The following PRMT3 variants were observed in gnomAD, a reference collection of about 807,000 sequenced individuals.
The protein encoded by PRMT3 is protein arginine N-methyltransferase 3.
A neutral mutation model predicts 71.9 loss-of-function variants in PRMT3; 62 were observed. The ratio of observed to expected loss-of-function variants is 0.86; its 90% confidence interval spans 0.70 to 1.07. The LOEUF (loss-of-function observed/expected upper bound fraction) is 1.07, where lower values mean the gene tolerates loss of function less well. PRMT3 is among the 50% of genes least tolerant of loss of function. The pLI is 0.00. For synonymous variants in PRMT3, 213 were observed against 220.4 expected (o/e 0.97, Z 0.30); for missense variants, 663 against 643.0 (o/e 1.03, Z -0.34).
intron 2 of PRMT3, 23 bp from the exon 3 acceptor site, chr11:20,389,721 G>A: frequency 6.5e-7 from 1 of 1,538,668 alleles, no homozygotes; most frequent in Non-Finnish European, 9.0e-7. Context: ...ACTATTCCAT[G>A]AAGCTATTGC....
rs77431332 is a variant in PRMT3, at chr11:20,450,637, A to G, written c.994-1493A>G. Among the ~76,000 whole-genome samples, 399 of 152,260 alleles carry G rather than the reference A, an allele frequency of 2.6e-3. 2 individuals are homozygous for G. Among genetic ancestry groups the G allele is most frequent in the East Asian group, 4.3e-3 (22 of 5,172 alleles). On this transcript the variant is annotated intron_variant, in intron 10 of 15. Coordinates refer to ENST00000331079, the MANE Select transcript of PRMT3 (RefSeq NM_005788.4). ...TTAATAGGCAGTTATTTTTGTATCA[A>G]TGAATCAGTGAGCTGGGGGGAATAG... is the stretch of plus-strand genomic sequence containing the variant.
chr11:20,484,123 C>T (rs981765432), intron 13 of PRMT3, among the ~76,000 whole-genome samples: 2 of 152,146 alleles, frequency 1.3e-5, no homozygotes, highest in African/African-American at 4.8e-5. Context: ...TGCAGTTTCA[C>T]CATTTAGATA....
chr11:20,408,404 A>G (rs1461890310), intron 9 of PRMT3, among the ~76,000 whole-genome samples: 1 of 152,050 alleles, frequency 6.6e-6, no homozygotes, highest in Non-Finnish European at 1.5e-5. Context: ...TTCTTTAGCA[A>G]ATACCAGTTA....
chr11:20,496,072 C>G (rs1030795488), intron 15 of PRMT3, among the ~76,000 whole-genome samples: 5 of 152,146 alleles, frequency 3.3e-5, no homozygotes, highest in African/African-American at 1.2e-4. Flanking sequence ...GCAATTTTTT[C>G]CTAGGCATGT....
intron 9 of PRMT3, among the ~76,000 whole-genome samples, chr11:20,413,809 T>G (rs73447061): frequency 0.016 from 2,458 of 152,232 alleles, 61 homozygotes; most frequent in African/African-American, 0.057. Flanking sequence ...TCTCTGATAC[T>G]TGTCTATTCT....
intron 15 of PRMT3, among the ~76,000 whole-genome samples, chr11:20,501,719 G>A (rs1851462763): frequency 6.6e-6 from 1 of 152,120 alleles, no homozygotes; most frequent in Non-Finnish European, 1.5e-5. Flanking sequence ...CCTAGATGAG[G>A]ACACTTAAAG....
chr11:20,489,894 T>C (rs1185623691), intron 13 of PRMT3, among the ~76,000 whole-genome samples: 1 of 150,998 alleles, frequency 6.6e-6, no homozygotes, highest in African/African-American at 2.4e-5. Flanking sequence ...CTGGGCACCA[T>C]AGCGGGACTC....
chr11:20,440,489 CAAAAAA>C (rs55801324), intron 10 of PRMT3, among the ~76,000 whole-genome samples: 29,979 of 116,126 alleles, frequency 0.26, 2,394 homozygotes, highest in South Asian at 0.36. Context: ...ACTAAAAATA[CAAAAAA>C]AAAAAAAAAA....
In PRMT3 at chr11:20,434,369, CTT is replaced by C. The variant is rs1420367612; in HGVS notation, c.993+7506_993+7507del. 3.3e-5 allele frequency among the ~76,000 whole-genome samples: 5 copies of C among 152,136 alleles called. No homozygotes were observed. In the East Asian group the frequency reaches 9.6e-4, roughly 29 times the overall value. On this transcript the variant is annotated intron_variant, in intron 10 of 15. Transcript: ENST00000331079. ...TGGTTTCTTTTGCTGTGCAGAAGCT[CTT>C]TAGTTTAATTAAACCCTATTTGTCA...
chr11:20,465,003 T>G (rs1001555397), intron 13 of PRMT3, among the ~76,000 whole-genome samples: 63 of 152,158 alleles, frequency 4.1e-4, no homozygotes, highest in African/African-American at 1.4e-3. Context: ...AATTTAATAG[T>G]CTAATAGAAA....
chr11:20,410,276 A>C (rs1849166150), intron 9 of PRMT3, among the ~76,000 whole-genome samples: 1 of 152,082 alleles, frequency 6.6e-6, no homozygotes, highest in African/African-American at 2.4e-5. Context: ...TCAATTACTT[A>C]ATGAGGAAAA....
In PRMT3 at chr11:20,464,912, G is replaced by A. The variant is rs1590084292; in HGVS notation, c.1347+366G>A. On this transcript the variant is annotated intron_variant, in intron 13 of 15. Coordinates refer to ENST00000331079, the MANE Select transcript of PRMT3 (RefSeq NM_005788.4). ...ATTTAGATGGAAGATATGTTTATTT[G>A]GTAGAATATTTTATGTTTTATATTT... 3.3e-5 allele frequency among the ~76,000 whole-genome samples: 5 copies of A among 151,992 alleles called. No homozygotes were observed. The South Asian group carries it at 1.0e-3, about 32-fold the overall frequency.
intron 10 of PRMT3, among the ~76,000 whole-genome samples, chr11:20,440,328 C>G (rs1299691450): frequency 6.6e-6 from 1 of 152,028 alleles, no homozygotes; most frequent in Middle Eastern, 3.2e-3. Flanking sequence ...GCCCTCCAGC[C>G]TGGGCAACAG....
chr11:20,448,135 A>G (rs2133382164), intron 10 of PRMT3, among the ~76,000 whole-genome samples: 2 of 139,772 alleles, frequency 1.4e-5, no homozygotes, highest in East Asian at 4.0e-4. Flanking sequence ...CTACTTGGCA[A>G]GTGCTCATAG....
intron 13 of PRMT3, among the ~76,000 whole-genome samples, chr11:20,486,244 G>A (rs915894558): frequency 6.6e-6 from 1 of 152,098 alleles, no homozygotes; most frequent in Non-Finnish European, 1.5e-5. Context: ...TGTAATGATG[G>A]TTACACAACT....
chr11:20,508,281 C>T (rs2133715102), intron 15 of PRMT3, 23 bp from the exon 16 acceptor site: 1 of 1,442,314 alleles, frequency 6.9e-7, no homozygotes, highest in Non-Finnish European at 9.7e-7. Flanking sequence ...GAATTCTTAA[C>T]AATTTTTGCC....
At chr11:20,472,758 AT>A (rs1282272768) in intron 13 of PRMT3, among the ~76,000 whole-genome samples, 1 of 147,004 alleles carries the variant, frequency 6.8e-6, no homozygotes, top group Non-Finnish European at 1.5e-5. Context: ...CTCCTTTTCA[AT>A]TTTCAGTTGT....
intron 13 of PRMT3, among the ~76,000 whole-genome samples, chr11:20,493,365 G>A (rs1456906544): frequency 1.3e-5 from 2 of 152,180 alleles, no homozygotes; most frequent in East Asian, 1.9e-4. Context: ...GTATAAATAG[G>A]ATGTTTTAAT....
chr11:20,485,508 A>G (rs1451605586), intron 13 of PRMT3, among the ~76,000 whole-genome samples: 1 of 152,228 alleles, frequency 6.6e-6, no homozygotes, highest in African/African-American at 2.4e-5. Flanking sequence ...ATTTTTTAAA[A>G]TACGGTTTGG....
Sources: allele counts gnomAD v4.1 joint callset (sites outside exome capture counted in the v4.1 genomes callset), GRCh38; gene constraint gnomAD v4.1.1; transcripts MANE v1.5; gene names NCBI Gene and HGNC (gene_info 2026-07-23, HGNC 2026-07-21).